The following CCDC137 variants were observed in gnomAD, a reference collection of about 807,000 sequenced individuals.
CCDC137 encodes coiled-coil domain-containing protein 137.
CCDC137 carries 24 observed loss-of-function variants against 30.4 expected under a neutral mutation model. That is an observed-to-expected ratio of 0.79 (90% CI 0.57 to 1.11). The LOEUF (loss-of-function observed/expected upper bound fraction) is 1.11. CCDC137 is among the 50% of genes least tolerant of loss of function. CCDC137 has a pLI of 0.00. For missense variants in CCDC137, 417 were observed against 380.4 expected (o/e 1.10, Z -0.80); for synonymous variants, 182 against 155.7 (o/e 1.17, Z -1.26).
chr17:81,667,254 G>C (rs1215861692), intron 1 of CCDC137, among the ~76,000 whole-genome samples: 1 of 152,010 alleles, frequency 6.6e-6, no homozygotes, highest in Non-Finnish European at 1.5e-5. Flanking sequence ...AAAGATCCCT[G>C]CTCCCTGGAC....
Position 81,672,593 on chromosome 17 carries a change from G to A in CCDC137, c.759G>A (p.Glu253=), listed in dbSNP as rs940866869. ...TGGCCCGCCAGCGGATTGTGGAGGA[G>A]GAGAGAGAGCGGGCCGTGCAGGCCT... ...ASLARQRIVE[E]ERERAVQAYR... The change falls in exon 6 of 6, where the codon GAG becomes GAA. Residue 253 remains glutamate (E), a synonymous_variant. Coordinates refer to ENST00000329214, the MANE Select transcript of CCDC137 (RefSeq NM_199287.3). The A allele has an allele frequency of 1.9e-6, 3 of 1,585,656 alleles. No individual in the cohort carries two copies. The highest frequency in any genetic ancestry group is 1.1e-5 in the South Asian group (1 of 86,958).
Position 81,673,014 on chromosome 17 carries a change from A to C in CCDC137, c.*310A>C. 1 of 443,526 alleles carries C rather than the reference A, an allele frequency of 2.3e-6. No individual in the cohort carries two copies. The highest frequency in any genetic ancestry group is 4.1e-6 in the Non-Finnish European group (1 of 245,036). 27.5% of individuals were successfully genotyped at this position (443,526 alleles called of 1,614,324 possible). On this transcript the variant is annotated 3_prime_UTR_variant, in exon 6 of 6. Coordinates refer to ENST00000329214, the MANE Select transcript of CCDC137 (RefSeq NM_199287.3). ...AAGGGCTGGATCCCTGTCCCTGAAC[A>C]CCAAATACCGAGACAGCTGATGAGG...
intron 3 of CCDC137, 22 bp from the exon 4 acceptor site, chr17:81,671,722 T>C (rs1391389783): frequency 6.2e-7 from 1 of 1,610,590 alleles, no homozygotes; most frequent in Non-Finnish European, 8.5e-7. Flanking sequence ...GGAATCTGAG[T>C]GACATGTGCT....
At position 81,670,393 on chromosome 17, in the gene CCDC137, G is replaced by A. The variant is rs751322931; in HGVS notation, c.437G>A (p.Arg146Gln). Reference sequence around the variant, plus strand: ...TTCCTCAGCAAGAACCAGGCCATCCGGCAGCCAGAGGTGCAGGCAGCTCCC... The same window carrying A: ...TTCCTCAGCAAGAACCAGGCCATCCAGCAGCCAGAGGTGCAGGCAGCTCCC... ...VLFLSKNQAI[R>Q]QPEVQAAPKE... is the part of the protein sequence containing the mutation. Residue 146 changes from arginine (R) to glutamine (Q), a missense_variant, in exon 3 of 6, where the codon CGG (arginine) becomes CAG (glutamine). Transcript: ENST00000329214. The A allele has an allele frequency of 1.1e-5, 18 of 1,613,732 alleles. No homozygotes were observed. The highest frequency in any genetic ancestry group is 4.0e-5 in the African/African-American group (3 of 74,938).
At chr17:81,667,946 G>C (rs1353372418) in intron 2 of CCDC137, 84 bp downstream of exon 2, 3 of 1,496,352 alleles carry the variant, frequency 2.0e-6, no homozygotes, top group Non-Finnish European at 2.7e-6. Flanking sequence ...GAACGTTTCA[G>C]GCAGAGGAAA....
chr17:81,669,318 G>A (rs769156969), intron 2 of CCDC137, among the ~76,000 whole-genome samples: 51 of 150,482 alleles, frequency 3.4e-4, no homozygotes, highest in Admixed American at 5.3e-4. Context: ...GCTCGTTTTT[G>A]TATTTTTAGT....
At chr17:81,672,203 G>A (rs1229351311) in intron 5 of CCDC137, 48 bp downstream of exon 5, 1 of 1,579,106 alleles carries the variant, frequency 6.3e-7, no homozygotes, top group Admixed American at 1.7e-5. Context: ...AGTGCTGCCA[G>A]GGAACAGAAG....
chr17:81,670,018 A>G (rs2036698500), intron 2 of CCDC137: 2 of 583,602 alleles, frequency 3.4e-6, no homozygotes, highest in Non-Finnish European at 6.1e-6. Context: ...TGCAGTGGAC[A>G]TCTGTGACAG....
intron 3 of CCDC137, among the ~76,000 whole-genome samples, chr17:81,670,726 C>T (rs1316888090): frequency 1.3e-5 from 2 of 152,190 alleles, no homozygotes; most frequent in Admixed American, 6.5e-5. Context: ...AAGCCCTAGC[C>T]CTGTGGGAAT....
chr17:81,670,322 C>T lies in CCDC137; in HGVS notation c.366C>T (p.Asp122=), dbSNP rs566232414. ...TCAAACAGAGGAAGGGGGAGTCTGA[C>T]GGGGCCTATATCCACCGCATGCAGC... ...PKFKQRKGES[D]GAYIHRMQQE... Residue 122 remains aspartate (D), a synonymous_variant, in exon 3 of 6, where the codon GAC becomes GAT. Transcript: ENST00000329214. 11 of 1,613,996 alleles carry T rather than the reference C, an allele frequency of 6.8e-6. No individual in the cohort carries two copies. Among genetic ancestry groups the T allele is most frequent in the South Asian group, 1.1e-5 (1 of 91,076 alleles).
Position 81,671,768 on chromosome 17 carries a change from A to G in CCDC137, c.522A>G (p.Lys174=), listed in dbSNP as rs757792892. 6.2e-7 allele frequency: 1 copy of G among 1,612,272 alleles called. No individual in the cohort carries two copies. Among genetic ancestry groups the G allele is most frequent in the Non-Finnish European group, 8.5e-7 (1 of 1,179,648 alleles). The change falls in exon 4 of 6, where the codon AAA becomes AAG. Residue 174 remains lysine (K), a synonymous_variant. Transcript: ENST00000329214. ...KKAFQKRRLD[K]VRRKKEEKAA... is the part of the protein sequence containing the mutation. ...GGTTCCAGAAGCGGCGACTAGATAAAGTCCGACGGAAAAAGGAGGAAAAGG... is the reference window on the plus strand; with the variant it reads ...GGTTCCAGAAGCGGCGACTAGATAAGGTCCGACGGAAAAAGGAGGAAAAGG...
In CCDC137 at chr17:81,670,263, A is replaced by T; in HGVS notation, c.307A>T (p.Lys103Ter). 1 of 1,613,974 alleles carries T rather than the reference A, an allele frequency of 6.2e-7. No homozygotes were observed. Among genetic ancestry groups the T allele is most frequent in the Non-Finnish European group, 8.5e-7 (1 of 1,180,030 alleles). The change falls in exon 3 of 6, where the codon AAG (lysine) becomes TAG (stop). Residue 103 changes from lysine (K) to a stop codon, truncating the protein, a stop_gained. Coordinates refer to ENST00000329214, the MANE Select transcript of CCDC137 (RefSeq NM_199287.3). LOFTEE classifies it high-confidence loss of function. Reference sequence around the variant, plus strand: ...CAGAAAGACATTGGAGAAGGAAGCAAAGGGAGAGGAGCCCGACATCGCAGT... The same window carrying T: ...CAGAAAGACATTGGAGAAGGAAGCATAGGGAGAGGAGCCCGACATCGCAGT... ...TFRKTLEKEA[K>*]GEEPDIAVPK...
chr17:81,670,477 GGGTCT>G, intron 3 of CCDC137, 24 bp downstream of exon 3: 2 of 1,587,772 alleles, frequency 1.3e-6, no homozygotes, highest in Non-Finnish European at 1.7e-6. Flanking sequence ...GGAGGGGGAG[GGGTCT>G]GCCCTGGGAG....
chr17:81,671,071 G>A (rs2036714497), intron 3 of CCDC137, among the ~76,000 whole-genome samples: 1 of 151,826 alleles, frequency 6.6e-6, no homozygotes, highest in South Asian at 2.1e-4. Flanking sequence ...GGCAGAGGTT[G>A]CAGTGAGCTG....
rs753872165 is a variant in CCDC137, at chr17:81,671,740, C to T, written c.498-4C>T. 3.1e-6 allele frequency: 5 copies of T among 1,611,962 alleles called. No individual in the cohort carries two copies. The highest frequency in any genetic ancestry group is 3.4e-6 in the Non-Finnish European group (4 of 1,179,544). On this transcript the variant is annotated splice_polypyrimidine_tract_variant and splice_region_variant and intron_variant, in intron 3 of 5. Transcript: ENST00000329214. ...ATCTGAGTGACATGTGCTTTCTTCC[C>T]CAGGTTCCAGAAGCGGCGACTAGAT...
At chr17:81,667,660 T>C (rs2036657747) in intron 1 of CCDC137, 69 bp from the exon 2 acceptor site, 1 of 1,582,168 alleles carries the variant, frequency 6.3e-7, no homozygotes, top group Non-Finnish European at 8.6e-7. Flanking sequence ...GACCCAACTA[T>C]TGTTTCTCTT....
At chr17:81,671,643 G>C in intron 3 of CCDC137, 101 bp from the exon 4 acceptor site, 1 of 1,191,164 alleles carries the variant, frequency 8.4e-7, no homozygotes, top group Non-Finnish European at 1.2e-6. Context: ...TTGGGTCCCT[G>C]CTCTGCCACA....
At chr17:81,668,168 G>T (rs2036671473) in intron 2 of CCDC137, among the ~76,000 whole-genome samples, 1 of 152,152 alleles carries the variant, frequency 6.6e-6, no homozygotes, top group South Asian at 2.1e-4. Flanking sequence ...TTTTAGCAGG[G>T]CACGGCCAAT....
chr17:81,667,759 C>G lies in CCDC137; in HGVS notation c.165C>G (p.Pro55=). ...SKEKKKVNCK[P]KNQDEQEIPF... is the part of the protein sequence containing the mutation. ...AGAAGAAGAAAGTGAACTGCAAGCCCAAGAACCAGGACGAACAGGAGATTC... is the reference window on the plus strand; with the variant it reads ...AGAAGAAGAAAGTGAACTGCAAGCCGAAGAACCAGGACGAACAGGAGATTC... Residue 55 remains proline (P), a synonymous_variant, in exon 2 of 6, where the codon CCC becomes CCG. Transcript: ENST00000329214. The G allele has an allele frequency of 6.2e-7, 1 of 1,613,724 alleles. No individual in the cohort carries two copies. Among genetic ancestry groups the G allele is most frequent in the Admixed American group, 1.7e-5 (1 of 59,998 alleles).
Sources: gnomAD v4.1 joint callset for allele counts (sites outside exome capture counted in the v4.1 genomes callset) on GRCh38, gnomAD v4.1.1 for gene constraint, MANE v1.5 for transcripts, NCBI Gene and HGNC (gene_info 2026-07-23, HGNC 2026-07-21) for gene names.